The following PECAM1 variants were observed in gnomAD, a reference collection of about 807,000 sequenced individuals.
The protein encoded by PECAM1 is platelet endothelial cell adhesion molecule.
Under a neutral mutation model 13.8 loss-of-function variants are expected in PECAM1, and 8 were observed. The ratio of observed to expected loss-of-function variants is 0.58; its 90% CI spans 0.34 to 1.05. The LOEUF (loss-of-function observed/expected upper bound fraction) is 1.05. PECAM1 is among the 50% of genes least tolerant of loss of function. The probability of loss-of-function intolerance (pLI) is 0.03; values close to 1 mark genes in which losing one functional copy is unlikely to be tolerated. For missense variants in PECAM1, 304 were observed against 141.2 expected (o/e 2.15, Z -5.84); for synonymous variants, 136 against 52.6 (o/e 2.58, Z -6.86).
At position 64,360,200 on chromosome 17, in the gene PECAM1, C is replaced by T. The variant is rs2035940414; in HGVS notation, c.1432G>A (p.Ala478Thr). The change falls in exon 7 of 16, where the codon GCA becomes ACA. Residue 478 changes from alanine to threonine, a missense_variant. Coordinates refer to ENST00000563924, the MANE Select transcript of PECAM1 (RefSeq NM_000442.5). ...TTGGCATGGGAATGGCAATTATCTGCAACACACTGGTATTCGACGTCTTCA... is the reference window on the plus strand; with the variant it reads ...TTGGCATGGGAATGGCAATTATCTGTAACACACTGGTATTCGACGTCTTCA... ...PTEDVEYQCVADNCHSHAKML... is the reference protein window; with the variant it reads ...PTEDVEYQCVTDNCHSHAKML... 6 of 475,380 alleles carry T rather than the reference C, an allele frequency of 1.3e-5. No individual in the cohort carries two copies. The allele number at this position is 475,380 out of a possible 1,614,324, so 29.4% of individuals were successfully genotyped here.
chr17:64,363,470 C>G, intron 5 of PECAM1, 73 bp from the exon 6 acceptor site: 1 of 471,880 alleles, frequency 2.1e-6, no homozygotes, highest in South Asian at 7.0e-5. Flanking sequence ...TGGAGAGGCC[C>G]TTGGCTCAGG....
intron 4 of PECAM1, among the ~76,000 whole-genome samples, chr17:64,371,616 G>C (rs1479240882): frequency 1.3e-5 from 2 of 152,178 alleles, no homozygotes; most frequent in Admixed American, 6.5e-5. Context: ...TGGATCACGA[G>C]GTCAGGAGTT....
At chr17:64,367,292 C>T (rs915839636) in intron 5 of PECAM1, among the ~76,000 whole-genome samples, 42 of 152,200 alleles carry the variant, frequency 2.8e-4, no homozygotes, top group African/African-American at 9.6e-4. Flanking sequence ...TGGCTCACAC[C>T]TGTAATCCCA....
intron 2 of PECAM1, among the ~76,000 whole-genome samples, chr17:64,388,959 C>T (rs1050901824): frequency 5.3e-5 from 8 of 152,258 alleles, no homozygotes; most frequent in Non-Finnish European, 8.8e-5. Context: ...TGAGCCAACG[C>T]GGCTGGTAAA....
intron 7 of PECAM1, 77 bp from the exon 8 acceptor site, chr17:64,356,475 T>C (rs1310656526): frequency 2.1e-5 from 4 of 189,958 alleles, no homozygotes; most frequent in African/African-American, 2.5e-5. Context: ...ACTGCTCAAC[T>C]TTTTTTTTTT....
intron 2 of PECAM1, among the ~76,000 whole-genome samples, chr17:64,389,827 C>T (rs1301238273): frequency 3.3e-5 from 5 of 152,148 alleles, no homozygotes; most frequent in Non-Finnish European, 7.4e-5. Flanking sequence ...GCCAGCGGAT[C>T]ACCTGAGGTC....
chr17:64,364,737 T>C (rs1261520590), intron 5 of PECAM1, among the ~76,000 whole-genome samples: 5 of 151,958 alleles, frequency 3.3e-5, no homozygotes, highest in Non-Finnish European at 5.9e-5. Flanking sequence ...ATTATCTCAA[T>C]AGACGCAGAA....
chr17:64,323,184 A>G lies in PECAM1; in HGVS notation c.*632T>C. On this transcript the variant is annotated 3_prime_UTR_variant, in exon 16 of 16. Coordinates refer to ENST00000563924, the MANE Select transcript of PECAM1 (RefSeq NM_000442.5). ...GAACATCTGTGCTTGTTCCACCTTC[A>G]TTTTCTGTTTTGTGCGTTGCCTGAA... 1 of 987,252 alleles carries G rather than the reference A, an allele frequency of 1.0e-6. No homozygotes were observed. The highest frequency in any genetic ancestry group is 1.2e-6 in the Non-Finnish European group (1 of 831,266). 61.2% of individuals were successfully genotyped at this position (987,252 alleles called of 1,614,324 possible).
intron 15 of PECAM1, among the ~76,000 whole-genome samples, chr17:64,327,655 G>T (rs80298083): frequency 6.6e-6 from 1 of 152,214 alleles, no homozygotes; most frequent in African/African-American, 2.4e-5. Context: ...TCTCTTCCAT[G>T]CTATCTGTCT....
chr17:64,370,535 C>T (rs2036216376), intron 4 of PECAM1: 2 of 152,184 alleles, frequency 1.3e-5, no homozygotes, highest in East Asian at 3.8e-4. Context: ...AAATGCTGGC[C>T]ATCACTCACT....
Position 64,390,686 on chromosome 17 carries a change from G to A in PECAM1, c.-21C>T, listed in dbSNP as rs2143932984. On this transcript the variant is annotated 5_prime_UTR_variant, in exon 1 of 16. Coordinates refer to ENST00000563924, the MANE Select transcript of PECAM1 (RefSeq NM_000442.5). ...TGCATCCTGAGAGTGAAGACTGCAG[G>A]CACAGTTAGTTCTGCCTTCGGGCCA... 6.6e-6 allele frequency: 3 copies of A among 455,304 alleles called. No individual in the cohort carries two copies. In the East Asian group the frequency reaches 9.6e-5, roughly 15 times the overall value. 28.2% of individuals were successfully genotyped at this position (455,304 alleles called of 1,614,324 possible). A position where few individuals can be genotyped will look rare whatever the true frequency, so the allele number is the denominator to read the frequency against.
rs888610266 is a variant in PECAM1 at position 64,342,901 on chromosome 17, T to C, written c.2108-1211A>G. 2.8e-4 allele frequency among the ~76,000 whole-genome samples: 43 copies of C among 152,100 alleles called. No individual in the cohort carries two copies. The East Asian group carries it at 3.3e-3, about 12-fold the overall frequency. ...GTGTGTAGGATGTGTCTACACACAT[T>C]GTATACACACTGTATGTACAAACAT... On this transcript the variant is annotated intron_variant, in intron 13 of 15. Coordinates refer to ENST00000563924, the MANE Select transcript of PECAM1 (RefSeq NM_000442.5).
At chr17:64,366,145 C>T (rs1468300288) in intron 5 of PECAM1, among the ~76,000 whole-genome samples, 1 of 138,834 alleles carries the variant, frequency 7.2e-6, no homozygotes, top group African/African-American at 2.5e-5. Flanking sequence ...CAAACAACCC[C>T]ATCAAAAAGT....
At chr17:64,385,207 G>A (rs1454503274) in intron 2 of PECAM1, among the ~76,000 whole-genome samples, 1 of 152,200 alleles carries the variant, frequency 6.6e-6, no homozygotes, top group Non-Finnish European at 1.5e-5. Flanking sequence ...GGGAGATGAA[G>A]GTTGACGGAG....
At chr17:64,353,929 C>CCT (rs1241987015) in intron 9 of PECAM1, among the ~76,000 whole-genome samples, 7 of 138,796 alleles carry the variant, frequency 5.0e-5, no homozygotes, top group African/African-American at 1.7e-4. Flanking sequence ...CAGCTCTCTT[C>CCT]CTCTCTCTCT....
intron 12 of PECAM1, among the ~76,000 whole-genome samples, chr17:64,350,036 G>C (rs1280004488): frequency 1.3e-5 from 2 of 152,202 alleles, no homozygotes; most frequent in African/African-American, 4.8e-5. Context: ...AGGCAGAAGA[G>C]AGCAATTTAT....
intron 3 of PECAM1, among the ~76,000 whole-genome samples, chr17:64,377,203 G>A (rs2036379377): frequency 6.6e-6 from 1 of 152,158 alleles, no homozygotes; most frequent in South Asian, 2.1e-4. Context: ...TTAACACACC[G>A]CTGTGGCCTT....
intron 14 of PECAM1, among the ~76,000 whole-genome samples, chr17:64,334,812 C>T (rs2143703416): frequency 6.6e-6 from 1 of 152,164 alleles, no homozygotes; most frequent in East Asian, 1.9e-4. Context: ...CGGCCCTGGG[C>T]CCCCTGTTTT....
rs961003375 is a variant in PECAM1, at chr17:64,381,079, G to C, written c.92-2962C>G. On this transcript the variant is annotated intron_variant, in intron 2 of 15. Transcript: ENST00000563924. ...GTCATCTCTGGAGGGAGGGGCTATG[G>C]GGTAGGGAGAAGCACAGATGCAAGC... Among the ~76,000 whole-genome samples, 7 of 152,296 alleles carry C rather than the reference G, an allele frequency of 4.6e-5. No homozygotes were observed. In the East Asian group the frequency reaches 1.2e-3, roughly 25 times the overall value.
Sources: gnomAD v4.1 joint callset for allele counts (sites outside exome capture counted in the v4.1 genomes callset) on GRCh38, gnomAD v4.1.1 for gene constraint, MANE v1.5 for transcripts, NCBI Gene and HGNC (gene_info 2026-07-23, HGNC 2026-07-21) for gene names.